Variants in STAMBPL1 observed in about 807,000 individuals in gnomAD.
STAMBPL1 encodes STAM binding protein like 1.
Under a neutral mutation model 52.9 loss-of-function variants are expected in STAMBPL1, and 44 were observed. The observed-to-expected ratio is 0.83, with a 90% confidence interval of 0.65 to 1.07. The LOEUF (loss-of-function observed/expected upper bound fraction) is 1.07. Among genes scored for constraint, STAMBPL1 ranks in the 50% least tolerant of loss-of-function variants. The pLI, the probability that STAMBPL1 is intolerant of heterozygous loss-of-function variation, is 0.00. For missense variants in STAMBPL1, 511 were observed against 520.8 expected (o/e 0.98, Z 0.18); for synonymous variants, 164 against 177.3 (o/e 0.92, Z 0.60).
chr10:88,910,833 C>T, intron 4 of STAMBPL1, 83 bp from the exon 5 acceptor site: 3 of 906,514 alleles, frequency 3.3e-6, no homozygotes, highest in South Asian at 1.7e-5. Context: ...GTATACCTAC[C>T]AGCTGTTTTT....
chr10:88,909,294 A>G (rs561476771), intron 4 of STAMBPL1, among the ~76,000 whole-genome samples: 15 of 152,188 alleles, frequency 9.9e-5, no homozygotes, highest in Non-Finnish European at 1.8e-4. Flanking sequence ...GCAATTTATC[A>G]TCAATTTTTT....
chr10:88,916,463 A>C (rs532047278), intron 7 of STAMBPL1, among the ~76,000 whole-genome samples: 1 of 149,366 alleles, frequency 6.7e-6, no homozygotes, highest in East Asian at 2.1e-4. Context: ...TGATTCTCAA[A>C]GTTTTGGCAA....
intron 8 of STAMBPL1, among the ~76,000 whole-genome samples, chr10:88,918,304 C>A (rs976556017): frequency 6.9e-6 from 1 of 145,304 alleles, no homozygotes; most frequent in Admixed American, 6.7e-5. Context: ...CACACACACA[C>A]ATACACACAC....
intron 1 of STAMBPL1, among the ~76,000 whole-genome samples, chr10:88,887,648 A>T (rs1018267495): frequency 3.3e-5 from 5 of 152,188 alleles, no homozygotes; most frequent in Admixed American, 6.5e-5. Context: ...CCTTCTAAGT[A>T]GCTGGGACTA....
chr10:88,919,399 C>T (rs1845448393), intron 8 of STAMBPL1, among the ~76,000 whole-genome samples: 1 of 152,126 alleles, frequency 6.6e-6, no homozygotes, highest in South Asian at 2.1e-4. Flanking sequence ...GGAATGGGAG[C>T]CTCATTCTCC....
At chr10:88,898,389 C>G (rs1243765160) in intron 1 of STAMBPL1, among the ~76,000 whole-genome samples, 2 of 152,114 alleles carry the variant, frequency 1.3e-5, no homozygotes, top group Non-Finnish European at 2.9e-5. Flanking sequence ...CGTGGGGAAC[C>G]TGGACCACAT....
chr10:88,901,611 G>A, intron 1 of STAMBPL1, 45 bp from the exon 2 acceptor site: 1 of 1,292,768 alleles, frequency 7.7e-7, no homozygotes, highest in South Asian at 1.4e-5. Flanking sequence ...TTCAAACTTG[G>A]GTCTCAAAAA....
intron 5 of STAMBPL1, 77 bp downstream of exon 5, chr10:88,911,088 G>A (rs575743817): frequency 7.0e-5 from 68 of 964,676 alleles, no homozygotes; most frequent in Non-Finnish European, 9.7e-5. Context: ...TATGTGATGA[G>A]TTTTTCAAAT....
chr10:88,911,259 G>A (rs148417190), intron 5 of STAMBPL1, among the ~76,000 whole-genome samples: 1 of 152,282 alleles, frequency 6.6e-6, no homozygotes, highest in Non-Finnish European at 1.5e-5. Flanking sequence ...TTCCTGCAGC[G>A]ATTTAAGTAG....
chr10:88,922,365 G>T lies in STAMBPL1; in HGVS notation c.1183G>T (p.Gly395Cys). ...TGGCATCTTCAGGCTCACCAATGCT[G>T]GCATGCTTGAGGTTTCTGCTTGTAA... is the stretch of plus-strand genomic sequence containing the variant. ...DTGIFRLTNA[G>C]MLEVSACKKK... The change falls in exon 10 of 11, where the codon GGC (glycine) becomes TGC (cysteine). Residue 395 changes from glycine to cysteine, a missense_variant. Physicochemically the swap from Gly to Cys is radical, Grantham distance 159. This residue lies in a region of STAMBPL1 where 137 missense variants were observed against 139.9 expected (regional missense o/e 0.98). Transcript: ENST00000371926. 1 of 1,613,280 alleles carries T rather than the reference G, an allele frequency of 6.2e-7. No homozygotes were observed. The highest frequency in any genetic ancestry group is 1.7e-5 in the Admixed American group (1 of 59,900).
At chr10:88,891,911 C>G (rs1490986122) in intron 1 of STAMBPL1, among the ~76,000 whole-genome samples, 3 of 152,006 alleles carry the variant, frequency 2.0e-5, no homozygotes, top group Non-Finnish European at 4.4e-5. Flanking sequence ...CAGGAAAGAT[C>G]CATTTAGCCT....
rs759223241 is a variant in STAMBPL1, at chr10:88,902,145, A to G, written c.30+407A>G. On this transcript the variant is annotated intron_variant, in intron 2 of 10. Transcript: ENST00000371926. ...ACATAACACCTAGGTACTGCTTTGG[A>G]TCCTCGTGTAAATGTCTTTGTACTT... Among the ~76,000 whole-genome samples, 24 of 152,234 alleles carry G rather than the reference A, an allele frequency of 1.6e-4. 1 individual carries two copies. The Middle Eastern group carries it at 0.024, about 151-fold the overall frequency.
intron 1 of STAMBPL1, among the ~76,000 whole-genome samples, chr10:88,898,418 A>G (rs1453583106): frequency 6.6e-6 from 1 of 152,224 alleles, no homozygotes; most frequent in African/African-American, 2.4e-5. Flanking sequence ...CCACTGAACT[A>G]GAAAACATAC....
intron 1 of STAMBPL1, among the ~76,000 whole-genome samples, chr10:88,887,207 T>G (rs1028081485): frequency 1.3e-5 from 2 of 152,190 alleles, no homozygotes; most frequent in African/African-American, 4.8e-5. Flanking sequence ...AAGAAACTGC[T>G]TACTTAATCT....
At chr10:88,918,563 A>AATTATTTAT (rs1845429400) in intron 8 of STAMBPL1, among the ~76,000 whole-genome samples, 1 of 152,154 alleles carries the variant, frequency 6.6e-6, no homozygotes, top group South Asian at 2.1e-4. Flanking sequence ...AAATGCAAGA[A>AATTATTTAT]ATTATTTATA....
At position 88,921,315 on chromosome 10, in the gene STAMBPL1, C is replaced by T. The variant is rs1845504894; in HGVS notation, c.1074C>T (p.Ser358=). The change falls in exon 9 of 11, where the codon AGC becomes AGT. Residue 358 remains serine (S), a synonymous_variant. Transcript: ENST00000371926. Reference sequence around the variant, plus strand: ...CCACTCAAACTGCATTTTTATCCAGCGTTGATCTTCACACTCACTGTTCCT... The same window carrying T: ...CCACTCAAACTGCATTTTTATCCAGTGTTGATCTTCACACTCACTGTTCCT... The part of the protein sequence containing the change: ...THPTQTAFLS[S]VDLHTHCSYQ... 1.9e-6 allele frequency: 3 copies of T among 1,613,228 alleles called. No individual in the cohort carries two copies. The highest frequency in any genetic ancestry group is 2.5e-6 in the Non-Finnish European group (3 of 1,179,442).
At chr10:88,890,886 C>T (rs1844664090) in intron 1 of STAMBPL1, among the ~76,000 whole-genome samples, 1 of 152,222 alleles carries the variant, frequency 6.6e-6, no homozygotes, top group African/African-American at 2.4e-5. Flanking sequence ...TGCATACTTG[C>T]TTCCTCTCTG....
intron 1 of STAMBPL1, among the ~76,000 whole-genome samples, chr10:88,887,378 C>T (rs976608751): frequency 1.3e-5 from 2 of 151,866 alleles, no homozygotes; most frequent in East Asian, 1.9e-4. Flanking sequence ...TTATGGCACA[C>T]GTAGTTATTT....
Position 88,891,066 on chromosome 10 carries a change from T to C in STAMBPL1, c.-54+10428T>C, listed in dbSNP as rs548325697. The stretch of plus-strand genomic sequence containing the variant: ...AACTGGAGTCAATTCCGAGTTATAA[T>C]TGAGGCAGAAGGAAAAAGGCCATTC... On this transcript the variant is annotated intron_variant, in intron 1 of 10. Coordinates refer to ENST00000371926, the MANE Select transcript of STAMBPL1 (RefSeq NM_020799.4). Among the ~76,000 whole-genome samples, 6 of 152,292 alleles carry C rather than the reference T, an allele frequency of 3.9e-5. No individual in the cohort carries two copies. In the East Asian group the frequency reaches 1.2e-3, roughly 29 times the overall value.
Sources: gnomAD v4.1 joint callset for allele counts (sites outside exome capture counted in the v4.1 genomes callset) on GRCh38, gnomAD v4.1.1 for gene constraint, gnomAD v4.1.1 regional missense constraint, MANE v1.5 for transcripts, NCBI Gene and HGNC (gene_info 2026-07-23, HGNC 2026-07-21) for gene names.